The following ZNF346 variants were observed in gnomAD, a reference collection of about 807,000 sequenced individuals.
ZNF346 encodes the protein zinc finger protein 346, also known as double-stranded RNA-binding zinc finger protein JAZ.
A neutral mutation model predicts 33.7 loss-of-function variants in ZNF346; 23 were observed. That is an observed-to-expected ratio of 0.68 (90% CI 0.49 to 0.97). The LOEUF (loss-of-function observed/expected upper bound fraction) is 0.97. Ranked by LOEUF, ZNF346 falls within the 50% of genes least tolerant of loss-of-function variation. The pLI is 0.00. For missense variants in ZNF346, 340 were observed against 371.1 expected (o/e 0.92, Z 0.69); for synonymous variants, 134 against 142.4 (o/e 0.94, Z 0.42).
At chr5:177,043,564 G>A (rs930614551) in intron 3 of ZNF346, among the ~76,000 whole-genome samples, 3 of 152,028 alleles carry the variant, frequency 2.0e-5, no homozygotes, top group Non-Finnish European at 4.4e-5. Flanking sequence ...TTGGGAATTC[G>A]AGACCACCCT....
At position 177,052,946 on chromosome 5, in the gene ZNF346, ATCT is replaced by A. The variant is rs905439678; in HGVS notation, c.703+2014_703+2016del. ...CTGTAGAGTGAGAGAAAGCATGGAA[ATCT>A]TCTGCTGACTTGCAGGATCCATTCA... On this transcript the variant is annotated intron_variant, in intron 5 of 6. Coordinates refer to ENST00000358149, the MANE Select transcript of ZNF346 (RefSeq NM_012279.4). The A allele has an allele frequency of 3.3e-5, 5 of 152,310 alleles. No homozygotes were observed. The East Asian group carries it at 5.8e-4, about 18-fold the overall frequency. 9.4% of individuals were successfully genotyped at this position (152,310 alleles called of 1,614,324 possible).
rs1308113086 is a variant in ZNF346, at chr5:177,033,367, T to A, written c.176-7759T>A. On this transcript the variant is annotated intron_variant, in intron 1 of 6. Coordinates refer to ENST00000358149, the MANE Select transcript of ZNF346 (RefSeq NM_012279.4). ...GTGTCAGATTACAGGCGTGGGCCAC[T>A]GACCCAGCCCTAGGATCTTTTATTT... 4.6e-5 allele frequency among the ~76,000 whole-genome samples: 7 copies of A among 152,106 alleles called. No individual in the cohort carries two copies. In the East Asian group the frequency reaches 1.4e-3, roughly 29 times the overall value.
chr5:177,036,045 G>A (rs894537053), intron 1 of ZNF346, among the ~76,000 whole-genome samples: 1 of 151,940 alleles, frequency 6.6e-6, no homozygotes, highest in African/African-American at 2.4e-5. Context: ...TTTGGGAAAG[G>A]CTTGGCTGGA....
chr5:177,031,339 T>C (rs764044842), intron 1 of ZNF346, among the ~76,000 whole-genome samples: 51 of 152,336 alleles, frequency 3.3e-4, no homozygotes, highest in South Asian at 8.3e-4. Flanking sequence ...GGACACTTAG[T>C]GTAATGTTTG....
intron 5 of ZNF346, among the ~76,000 whole-genome samples, chr5:177,058,328 G>T (rs544547272): frequency 1.3e-5 from 2 of 151,554 alleles, no homozygotes; most frequent in Non-Finnish European, 2.9e-5. Flanking sequence ...AAAATTAGCC[G>T]GGCGTAGTGG....
At chr5:177,028,410 G>T (rs779345862) in intron 1 of ZNF346, among the ~76,000 whole-genome samples, 60 of 148,656 alleles carry the variant, frequency 4.0e-4, no homozygotes, top group Non-Finnish European at 7.4e-4. Flanking sequence ...AAGATCTTAT[G>T]TTGCTGATTT....
intron 1 of ZNF346, among the ~76,000 whole-genome samples, chr5:177,035,063 C>T (rs1411352686): frequency 6.6e-6 from 1 of 151,366 alleles, no homozygotes; most frequent in African/African-American, 2.4e-5. Context: ...GTCGCCCAGG[C>T]TCAAGTGTAG....
rs925548059 is a variant in ZNF346 at position 177,073,569 on chromosome 5, G to A, written c.*3-5813G>A. Among the ~76,000 whole-genome samples the A allele has an allele frequency of 3.3e-5, 5 of 152,330 alleles. No individual in the cohort carries two copies. In the East Asian group the frequency reaches 9.6e-4, roughly 29 times the overall value. ...TCCTCCCACCTCGGCCTACCAGAGT[G>A]CTGGGATTGCAGACGTGAGCCACCG... On this transcript the variant is annotated intron_variant, in intron 8 of 8. Transcript: ENST00000503039.
At chr5:177,071,366 TAAAA>T (rs909904213), downstream of ZNF346, among the ~76,000 whole-genome samples, 4 of 129,854 alleles carry the variant, frequency 3.1e-5, no homozygotes, top group Non-Finnish European at 6.6e-5. Flanking sequence ...GGGAGCCTCT[TAAAA>T]AAAAAAAAAA....
At chr5:177,022,987 C>T in intron 1 of ZNF346, 74 bp downstream of exon 1, 2 of 1,433,088 alleles carry the variant, frequency 1.4e-6, no homozygotes, top group Non-Finnish European at 1.8e-6. Context: ...GAAGCGCCGA[C>T]GGTCACACCC....
intron 8 of ZNF346, among the ~76,000 whole-genome samples, chr5:177,074,428 A>C (rs1317894596): frequency 6.6e-6 from 1 of 152,200 alleles, no homozygotes; most frequent in Admixed American, 6.5e-5. Context: ...ATAGAGAAGA[A>C]GACAGAAGAG....
At chr5:177,055,678 C>T (rs981974913) in intron 5 of ZNF346, among the ~76,000 whole-genome samples, 4 of 151,912 alleles carry the variant, frequency 2.6e-5, no homozygotes, top group South Asian at 2.1e-4. Context: ...CAGTGGCTCA[C>T]GCCTGTAATC....
In ZNF346 at chr5:177,067,744, G is replaced by T. The variant is rs1260749305; in HGVS notation, c.*3145G>T. On this transcript the variant is annotated 3_prime_UTR_variant, in exon 7 of 7. Transcript: ENST00000358149. ...CTGACTCAGCCAAGGGCATGAAAAA[G>T]CTGGAGAGGTTGGAAAGCTAGCATT... is the stretch of plus-strand genomic sequence containing the variant. 6.6e-6 allele frequency among the ~76,000 whole-genome samples: 1 copy of T among 152,190 alleles called. No homozygotes were observed. Among genetic ancestry groups the T allele is most frequent in the Non-Finnish European group, 1.5e-5 (1 of 68,038 alleles).
intron 3 of ZNF346, chr5:177,042,228 T>C (rs1024851636): frequency 1.5e-4 from 26 of 174,922 alleles, no homozygotes; most frequent in African/African-American, 5.7e-4. Context: ...CTTGCTTTCT[T>C]GAGGGCCAAG....
chr5:177,044,352 G>T (rs879073001), intron 3 of ZNF346, 37 bp from the exon 4 acceptor site: 1 of 1,612,112 alleles, frequency 6.2e-7, no homozygotes, highest in Non-Finnish European at 8.5e-7. Context: ...TGGTGGGGCA[G>T]TGGTATGATC....
intron 5 of ZNF346, among the ~76,000 whole-genome samples, chr5:177,058,676 G>T (rs1195631103): frequency 1.3e-5 from 2 of 152,184 alleles, no homozygotes; most frequent in Non-Finnish European, 2.9e-5. Context: ...GTTAATAAAT[G>T]TTGATATCAC....
intron 5 of ZNF346, among the ~76,000 whole-genome samples, chr5:177,055,515 A>G (rs1211824582): frequency 6.6e-6 from 1 of 152,210 alleles, no homozygotes; most frequent in Non-Finnish European, 1.5e-5. Flanking sequence ...AAGACCTAGT[A>G]GGAGAAAAAT....
intron 1 of ZNF346, among the ~76,000 whole-genome samples, chr5:177,029,661 G>A (rs1777387363): frequency 6.6e-6 from 1 of 152,190 alleles, no homozygotes; most frequent in South Asian, 2.1e-4. Context: ...GGACCAAGAT[G>A]GCGACTTGAG....
At chr5:177,054,836 A>T (rs1369809839) in intron 5 of ZNF346, among the ~76,000 whole-genome samples, 13 of 152,144 alleles carry the variant, frequency 8.5e-5, no homozygotes. Flanking sequence ...ATTAATCCAG[A>T]ACAGAAGGAC....
Sources: allele counts gnomAD v4.1 joint callset (sites outside exome capture counted in the v4.1 genomes callset), GRCh38; gene constraint gnomAD v4.1.1; transcripts MANE v1.5; gene names NCBI Gene and HGNC (gene_info 2026-07-23, HGNC 2026-07-21).